SDK2: variants seen among roughly 807,000 people sequenced by gnomAD.
The protein encoded by SDK2 is protein sidekick-2.
SDK2 carries 105 observed loss-of-function variants against 253.9 expected under a neutral mutation model. The ratio of observed to expected loss-of-function variants is 0.41; its 90% CI spans 0.35 to 0.49. SDK2 has a LOEUF of 0.49. SDK2 is among the 20% of genes least tolerant of loss of function. The probability of loss-of-function intolerance (pLI) is 0.06; values close to 1 mark genes in which losing one functional copy is unlikely to be tolerated. For missense variants in SDK2, 2,608 were observed against 3,003.0 expected, an observed-to-expected ratio of 0.87 and a Z score of 3.07; for synonymous variants, 1,249 against 1,234.9, an observed-to-expected ratio of 1.01 and a Z score of -0.24.
chr17:73,427,001 C>T (rs991584522), intron 12 of SDK2, among the ~76,000 whole-genome samples: 31 of 152,042 alleles, frequency 2.0e-4, no homozygotes, highest in African/African-American at 6.5e-4. Context: ...AGGAGAATGG[C>T]GTGAACCCGG....
At chr17:73,590,699 A>G (rs937890) in intron 1 of SDK2, among the ~76,000 whole-genome samples, 38,182 of 152,132 alleles carry the variant, frequency 0.25, 6,087 homozygotes, top group African/African-American at 0.46. Flanking sequence ...GGGCCCATCC[A>G]GAACATGGGC....
rs148977958 is a variant in SDK2 at position 73,338,699 on chromosome 17, G to T, written c.6407C>A (p.Thr2136Lys). The T allele has an allele frequency of 1.2e-6, 2 of 1,608,178 alleles. No homozygotes were observed. The highest frequency in any genetic ancestry group is 1.7e-5 in the Admixed American group (1 of 59,010). ...LFRPKASRTP[T>K]PQNPPNPPSQ... is the part of the protein sequence containing the mutation. The stretch of plus-strand genomic sequence containing the variant: ...TGGGGGGTTAGGGGGGTTCTGGGGC[G>T]TTGGAGTCCGACTGGCCTTGGGCCG... The change falls in exon 45 of 45, where the codon ACG (threonine) becomes AAG (lysine). Residue 2136 changes from threonine (T) to lysine (K), a missense_variant. Thr to Lys is a moderately conservative substitution (Grantham distance 78, BLOSUM62 -1). Around this residue, in one of 2 missense-constraint regions of SDK2, gnomAD observed 1,103 missense variants for 1,143.9 expected, o/e 0.96. Coordinates refer to ENST00000392650, the MANE Select transcript of SDK2 (RefSeq NM_001144952.2). The surrounding 1 kb of genome is among the most constrained non-coding windows in gnomAD (Gnocchi z 5.0).
chr17:73,640,119 A>T (rs1271009751), intron 1 of SDK2, among the ~76,000 whole-genome samples: 1 of 152,208 alleles, frequency 6.6e-6, no homozygotes, highest in Admixed American at 6.5e-5. Context: ...GGATCGCTGT[A>T]AAGAATTTGG....
In SDK2 at chr17:73,338,651, C is replaced by T. The variant is rs147236031; in HGVS notation, c.6455G>A (p.Arg2152His). Residue 2152 changes from arginine (R) to histidine (H), a missense_variant, in exon 45 of 45, where the codon CGT (arginine) becomes CAT (histidine). Coordinates refer to ENST00000392650, the MANE Select transcript of SDK2 (RefSeq NM_001144952.2). This position sits in a 1 kb window ranked among gnomAD's most constrained non-coding sequence, Gnocchi z 5.0. ...GCCTGGGGCCAGGCTGCTGGGGGGA[C>T]GGTAGAGGGTGCTCTGCTGACTTGG... ...NPPSQQSTLY[R>H]PPSSLAPGSR... 2,228 of 1,549,154 alleles carry T rather than the reference C, an allele frequency of 1.4e-3. 1 individual carries two copies. Among genetic ancestry groups the T allele is most frequent in the Admixed American group, 3.7e-3 (178 of 48,468 alleles).
intron 1 of SDK2, among the ~76,000 whole-genome samples, chr17:73,579,670 G>A (rs2045506465): frequency 6.6e-6 from 1 of 152,054 alleles, no homozygotes; most frequent in Admixed American, 6.6e-5. Flanking sequence ...CAATATGACT[G>A]ATGTCTTTAT....
chr17:73,464,105 G>C (rs1474865778), intron 3 of SDK2, among the ~76,000 whole-genome samples: 1 of 152,154 alleles, frequency 6.6e-6, no homozygotes, highest in Non-Finnish European at 1.5e-5. Flanking sequence ...GCTCACTTCA[G>C]ATCACTTCAT....
intron 1 of SDK2, among the ~76,000 whole-genome samples, chr17:73,591,749 C>T (rs1029017565): frequency 2.0e-5 from 3 of 152,124 alleles, no homozygotes; most frequent in East Asian, 3.9e-4. Flanking sequence ...GAGACCTGGT[C>T]CCCATCCAGC....
At chr17:73,509,830 GC>G (rs1423571072) in intron 1 of SDK2, among the ~76,000 whole-genome samples, 3 of 144,164 alleles carry the variant, frequency 2.1e-5, no homozygotes, top group African/African-American at 7.9e-5. Context: ...AACTCAGGAG[GC>G]GGAGGTTGCA....
rs1216602891 is a variant in SDK2 at position 73,511,427 on chromosome 17, G to A, written c.65-3830C>T. Among the ~76,000 whole-genome samples the A allele has an allele frequency of 6.6e-6, 1 of 152,198 alleles. No homozygotes were observed. The highest frequency in any genetic ancestry group is 1.5e-5 in the Non-Finnish European group (1 of 68,032). ...TGCTCACTGGGCAATTTCCTCCCAG[G>A]TCCGCGTTTGCCAGTTCATTCTTCA... On this transcript the variant is annotated intron_variant, in intron 1 of 44. Coordinates refer to ENST00000392650, the MANE Select transcript of SDK2 (RefSeq NM_001144952.2). This position sits in a 1 kb window ranked among gnomAD's most constrained non-coding sequence, Gnocchi z 4.9.
chr17:73,507,092 T>C (rs2063941578), intron 2 of SDK2, among the ~76,000 whole-genome samples: 1 of 152,204 alleles, frequency 6.6e-6, no homozygotes, highest in Non-Finnish European at 1.5e-5. Flanking sequence ...GAGATGGCAG[T>C]GTTCGAGAGA....
rs142463427 is a variant in SDK2 at position 73,423,937 on chromosome 17, C to A, written c.1739G>T (p.Arg580Leu). ...RVISAGGNDSRSAHLRVRQLP... is the reference protein window; with the variant it reads ...RVISAGGNDSLSAHLRVRQLP... ...TTACCTGACTCGCAGGTGGGCACTGCGAGAGTCGTTGCCTCCTGCTGAGAT... is the reference window on the plus strand; with the variant it reads ...TTACCTGACTCGCAGGTGGGCACTGAGAGAGTCGTTGCCTCCTGCTGAGAT... The change falls in exon 13 of 45, where the codon CGC becomes CTC. Residue 580 changes from arginine (R) to leucine (L), a missense_variant. Arg to Leu is a moderately radical substitution (Grantham distance 102). This residue lies in a region of SDK2 where 1,505 missense variants were observed against 1,859.1 expected (regional missense o/e 0.81). Coordinates refer to ENST00000392650, the MANE Select transcript of SDK2 (RefSeq NM_001144952.2). 3 of 1,590,682 alleles carry A rather than the reference C, an allele frequency of 1.9e-6. No homozygotes were observed. Among genetic ancestry groups the A allele is most frequent in the South Asian group, 2.3e-5 (2 of 87,788 alleles).
intron 1 of SDK2, among the ~76,000 whole-genome samples, chr17:73,545,189 T>TC (rs1404600473): frequency 1.3e-5 from 2 of 150,960 alleles, no homozygotes; most frequent in Non-Finnish European, 2.9e-5. Flanking sequence ...TTGTTGGGGT[T>TC]CCCCTCCCCT....
At chr17:73,627,215 T>G (rs533885050) in intron 1 of SDK2, among the ~76,000 whole-genome samples, 61 of 152,184 alleles carry the variant, frequency 4.0e-4, no homozygotes, top group Non-Finnish European at 8.4e-4. Context: ...TAAATGGTGG[T>G]TATTACCATA....
At chr17:73,468,863 C>G (rs1052297954) in intron 3 of SDK2, among the ~76,000 whole-genome samples, 8 of 151,610 alleles carry the variant, frequency 5.3e-5, no homozygotes, top group Admixed American at 1.3e-4. Flanking sequence ...CTCACTCTTT[C>G]GCCCAGGCTG....
At chr17:73,628,832 G>A (rs551053874) in intron 1 of SDK2, among the ~76,000 whole-genome samples, 5 of 152,132 alleles carry the variant, frequency 3.3e-5, no homozygotes, top group Admixed American at 6.5e-5. Context: ...CCAAAGCCAC[G>A]CCCCAGAGAC....
intron 1 of SDK2, among the ~76,000 whole-genome samples, chr17:73,539,213 T>A (rs1247678262): frequency 6.6e-6 from 1 of 152,180 alleles, no homozygotes; most frequent in Non-Finnish European, 1.5e-5. Flanking sequence ...TGTTTCCTTG[T>A]CGCTTGAAAT....
At chr17:73,401,422 T>G (rs2063024824) in intron 20 of SDK2, among the ~76,000 whole-genome samples, 1 of 152,018 alleles carries the variant, frequency 6.6e-6, no homozygotes, top group Non-Finnish European at 1.5e-5. Context: ...GCAGGGGACA[T>G]AGTGAGTCAT....
chr17:73,393,701 C>A lies in SDK2; in HGVS notation c.3757G>T (p.Val1253Leu). The A allele has an allele frequency of 6.3e-7, 1 of 1,592,578 alleles. No individual in the cohort carries two copies. Among genetic ancestry groups the A allele is most frequent in the Non-Finnish European group, 8.6e-7 (1 of 1,164,172 alleles). Residue 1253 changes from valine to leucine, a missense_variant, in exon 27 of 45, where the codon GTG (valine) becomes TTG (leucine). This residue lies in a region of SDK2 where 1,505 missense variants were observed against 1,859.1 expected (regional missense o/e 0.81). Coordinates refer to ENST00000392650, the MANE Select transcript of SDK2 (RefSeq NM_001144952.2). ...DSDTQPRFWLVEGNSSRSAQL... is the reference protein window; with the variant it reads ...DSDTQPRFWLLEGNSSRSAQL... ...GCACTGCGAGACGAGTTGCCTTCCA[C>A]CAGCCAGAATCGGGGCTGGGTGTCC...
At chr17:73,505,147 G>A (rs773200338) in intron 2 of SDK2, among the ~76,000 whole-genome samples, 1 of 152,232 alleles carries the variant, frequency 6.6e-6, no homozygotes, top group African/African-American at 2.4e-5. Flanking sequence ...AATTTGCAGA[G>A]CAGTTAGCCG....
Sources: gnomAD v4.1 joint callset for allele counts (sites outside exome capture counted in the v4.1 genomes callset) on GRCh38, gnomAD v4.1.1 for gene constraint, gnomAD v4.1.1 regional missense constraint, Gnocchi (gnomAD v3.1) non-coding constraint, MANE v1.5 for transcripts, NCBI Gene and HGNC (gene_info 2026-07-23, HGNC 2026-07-21) for gene names.